Variants in DIAPH2 observed in about 807,000 individuals in gnomAD.
DIAPH2 encodes diaphanous related formin 2.
In DIAPH2, 35 loss-of-function variants were observed where a neutral mutation model predicts 92.7. The observed-to-expected ratio is 0.38, with a 90% CI of 0.29 to 0.50. The LOEUF (loss-of-function observed/expected upper bound fraction) is 0.50. DIAPH2 is among the 20% of genes least tolerant of loss of function. The pLI is 0.94. For synonymous variants in DIAPH2, 301 were observed against 280.4 expected, an observed-to-expected ratio of 1.07 and a Z score of -0.73; for missense variants, 701 against 819.5, an observed-to-expected ratio of 0.86 and a Z score of 1.77.
intron 23 of DIAPH2, among the ~76,000 whole-genome samples, chrX:97,313,329 T>C (rs1015810932): frequency 8.9e-5 from 10 of 111,838 alleles, no homozygotes; most frequent in Non-Finnish European, 1.5e-4. Context: ...GTTACACTGA[T>C]TGATACTGGG....
At chrX:97,115,736 G>A (rs1293125842) in intron 21 of DIAPH2, among the ~76,000 whole-genome samples, 1 of 111,520 alleles carries the variant, frequency 9.0e-6, no homozygotes, top group East Asian at 2.8e-4. Context: ...GGTATCTGGT[G>A]CATTAACTAA....
chrX:96,874,023 T>A lies in DIAPH2; in HGVS notation c.448-7556T>A, dbSNP rs369404685. On this transcript the variant is annotated intron_variant, in intron 4 of 26. Coordinates refer to ENST00000324765, the MANE Select transcript of DIAPH2 (RefSeq NM_006729.5). ...ATTTTGAAGAAGTGATAAGCATAAA[T>A]GATAGTTAAGGTATTTTCACAAGTG... Among the ~76,000 whole-genome samples, 44 of 111,958 alleles carry A rather than the reference T, an allele frequency of 3.9e-4. No homozygotes were observed. The East Asian group carries it at 9.8e-3, about 25-fold the overall frequency.
At chrX:96,898,828 T>C (rs991848017) in intron 5 of DIAPH2, among the ~76,000 whole-genome samples, 6 of 107,574 alleles carry the variant, frequency 5.6e-5, no homozygotes, top group African/African-American at 1.7e-4. Flanking sequence ...TGGTAATGCC[T>C]AGGTTTTCTT....
intron 17 of DIAPH2, among the ~76,000 whole-genome samples, chrX:97,044,428 CAT>C (rs987711390): frequency 2.7e-5 from 3 of 111,392 alleles, no homozygotes; most frequent in East Asian, 5.6e-4. Context: ...TAAACATGCA[CAT>C]GTTTGATGAC....
chrX:97,389,608 A>T (rs1429457520), intron 25 of DIAPH2, among the ~76,000 whole-genome samples: 1 of 111,627 alleles, frequency 9.0e-6, no homozygotes, highest in African/African-American at 3.3e-5. Context: ...ATAACAGACA[A>T]AGAAAGAAGG....
chrX:96,957,130 C>G (rs944879286), intron 15 of DIAPH2, among the ~76,000 whole-genome samples: 1 of 112,411 alleles, frequency 8.9e-6, no homozygotes, highest in Non-Finnish European at 1.9e-5. Context: ...AAACGATTCT[C>G]CTGCCTCAGC....
intron 21 of DIAPH2, among the ~76,000 whole-genome samples, chrX:97,120,027 C>T (rs1004864752): frequency 7.1e-5 from 8 of 111,932 alleles, no homozygotes; most frequent in Admixed American, 3.8e-4. Context: ...GTCTACACAG[C>T]GGATTCACGC....
At chrX:97,512,423 G>T (rs2070905030) in intron 26 of DIAPH2, among the ~76,000 whole-genome samples, 1 of 112,626 alleles carries the variant, frequency 8.9e-6, no homozygotes, top group African/African-American at 3.2e-5. Context: ...AGTCTTGCTA[G>T]TGGTCTATCA....
chrX:97,277,260 C>A (rs748591944), intron 23 of DIAPH2, among the ~76,000 whole-genome samples: 142 of 111,519 alleles, frequency 1.3e-3, no homozygotes, highest in African/African-American at 4.4e-3. Flanking sequence ...ATTACTTGAA[C>A]CCAGGAGGCG....
chrX:97,074,172 C>T (rs986386733), intron 18 of DIAPH2, among the ~76,000 whole-genome samples: 4 of 111,506 alleles, frequency 3.6e-5, no homozygotes, highest in African/African-American at 6.5e-5. Flanking sequence ...TTTGGGAGGC[C>T]GAGGCAGGTG....
At chrX:97,205,791 A>G (rs1050113627) in intron 22 of DIAPH2, among the ~76,000 whole-genome samples, 7 of 111,618 alleles carry the variant, frequency 6.3e-5, no homozygotes, top group Non-Finnish European at 1.1e-4. Flanking sequence ...TGACCCAGCA[A>G]TCTCATTACT....
intron 26 of DIAPH2, among the ~76,000 whole-genome samples, chrX:97,487,628 C>T (rs2070698192): frequency 8.9e-6 from 1 of 111,888 alleles, no homozygotes; most frequent in Non-Finnish European, 1.9e-5. Context: ...TCTGGTAAGT[C>T]TGTTTTTAAT....
intron 1 of DIAPH2, among the ~76,000 whole-genome samples, chrX:96,730,036 A>G (rs959448117): frequency 8.9e-6 from 1 of 111,896 alleles, no homozygotes; most frequent in African/African-American, 3.3e-5. Context: ...ACACACCACC[A>G]CTTGATCTAG....
intron 17 of DIAPH2, among the ~76,000 whole-genome samples, chrX:96,978,836 T>C (rs1299958505): frequency 9.0e-6 from 1 of 110,839 alleles, no homozygotes; most frequent in Admixed American, 9.7e-5. Flanking sequence ...TGTGGTCCTG[T>C]GTGAAGGCTT....
chrX:97,538,593 G>A (rs1197532232), intron 26 of DIAPH2, among the ~76,000 whole-genome samples: 24 of 111,562 alleles, frequency 2.2e-4, no homozygotes, highest in Non-Finnish European at 1.9e-5. Flanking sequence ...AAAAAAATTT[G>A]TTTATAAAGT....
At chrX:97,288,375 A>G (rs978554662) in intron 23 of DIAPH2, among the ~76,000 whole-genome samples, 1 of 111,266 alleles carries the variant, frequency 9.0e-6, no homozygotes, top group Non-Finnish European at 1.9e-5. Flanking sequence ...TATAATTTAA[A>G]TGATGAACTG....
In DIAPH2 at chrX:97,543,749, G is replaced by A. The variant is rs371871520; in HGVS notation, c.3242-55504G>A. Among the ~76,000 whole-genome samples the A allele has an allele frequency of 3.6e-5, 4 of 110,272 alleles. No homozygotes were observed. The East Asian group carries it at 8.6e-4, about 24-fold the overall frequency. ...TCAAACTCCTGACCTCAAGTGATCC[G>A]CCCACCTCAACCTCCCAAAGTGCTG... On this transcript the variant is annotated intron_variant, in intron 26 of 26. Transcript: ENST00000324765.
Position 96,740,585 on chromosome X carries a change from T to C in DIAPH2, c.342+1823T>C, listed in dbSNP as rs2064113101. On this transcript the variant is annotated intron_variant, in intron 3 of 26. Coordinates refer to ENST00000324765, the MANE Select transcript of DIAPH2 (RefSeq NM_006729.5). The stretch of plus-strand genomic sequence containing the variant: ...TATCTTCCCTTCATTGATTATCTCA[T>C]TCACTTCTAATTTCTTGCCAAATCC... 3.6e-5 allele frequency among the ~76,000 whole-genome samples: 4 copies of C among 112,036 alleles called. No homozygotes were observed. The Admixed American group carries it at 3.8e-4, about 11-fold the overall frequency.
intron 5 of DIAPH2, chrX:96,885,247 T>G (rs1456567371): frequency 2.1e-6 from 1 of 482,794 alleles, no homozygotes; most frequent in Non-Finnish European, 3.5e-6. Context: ...GCTTTGAACT[T>G]TTCGGATTTT....
Sources: gnomAD v4.1 joint callset for allele counts (sites outside exome capture counted in the v4.1 genomes callset) on GRCh38, gnomAD v4.1.1 for gene constraint, MANE v1.5 for transcripts, NCBI Gene and HGNC (gene_info 2026-07-23, HGNC 2026-07-21) for gene names.